The following MYLK4 variants were observed in gnomAD, a reference collection of about 807,000 sequenced individuals.
The protein encoded by MYLK4 is myosin light chain kinase family member 4.
Under a neutral mutation model 48.1 loss-of-function variants are expected in MYLK4, and 46 were observed. That is an observed-to-expected ratio of 0.96 (90% confidence interval 0.75 to 1.22). The LOEUF is 1.22. Ranked by LOEUF, MYLK4 falls within the 50% of genes most tolerant of loss-of-function variation. The pLI is 0.00. For missense variants in MYLK4, 451 were observed against 486.1 expected, an observed-to-expected ratio of 0.93 and a Z score of 0.68; for synonymous variants, 170 against 180.8, an observed-to-expected ratio of 0.94 and a Z score of 0.48.
chr6:2,676,223 C>A (rs564138842), intron 10 of MYLK4, among the ~76,000 whole-genome samples: 2 of 152,118 alleles, frequency 1.3e-5, no homozygotes, highest in African/African-American at 4.8e-5. Context: ...TCAATGCAAT[C>A]GCTTCATCAG....
intron 6 of MYLK4, among the ~76,000 whole-genome samples, chr6:2,683,444 G>C (rs1323806996): frequency 3.9e-5 from 5 of 126,734 alleles, no homozygotes; most frequent in Admixed American, 3.4e-4. Context: ...TTTTGAGATG[G>C]AGTCTCGCTG....
intron 2 of MYLK4, among the ~76,000 whole-genome samples, chr6:2,723,775 T>A (rs956575146): frequency 6.6e-6 from 1 of 152,264 alleles, no homozygotes; most frequent in African/African-American, 2.4e-5. Flanking sequence ...GCCCCACTAT[T>A]TCTGGGATCT....
chr6:2,766,209 C>G, the MYLK4 span: 2 of 1,453,904 alleles, frequency 1.4e-6, no homozygotes, highest in Admixed American at 5.3e-5. Flanking sequence ...GCTGCCGAAG[C>G]CGCCACCGCC....
chr6:2,755,475 C>T (rs973351470), upstream of MYLK4, among the ~76,000 whole-genome samples: 14 of 152,162 alleles, frequency 9.2e-5, no homozygotes, highest in East Asian at 1.3e-3. Context: ...AATTACATAG[C>T]GCATTTAATC....
rs957057352 is a variant in MYLK4, at chr6:2,685,771, G to T, written c.342-195C>A. On this transcript the variant is annotated intron_variant, in intron 4 of 12. Transcript: ENST00000274643. The surrounding 1 kb of genome is among the most constrained non-coding windows in gnomAD (Gnocchi z 4.5). ...CTTGCATCAGAATCACCTGGGAGCT[G>T]TTAAGAAAGCAGGTCTCGGCCGGGC... Among the ~76,000 whole-genome samples the T allele has an allele frequency of 3.9e-5, 6 of 152,214 alleles. No individual in the cohort carries two copies. In the East Asian group the frequency reaches 7.8e-4, roughly 20 times the overall value.
chr6:2,713,174 C>A (rs1762737753), intron 2 of MYLK4, among the ~76,000 whole-genome samples: 1 of 151,932 alleles, frequency 6.6e-6, no homozygotes, highest in Non-Finnish European at 1.5e-5. Context: ...AGTTCGAGAC[C>A]AGCTTGACCA....
intron 2 of MYLK4, among the ~76,000 whole-genome samples, chr6:2,697,099 G>A (rs1370048217): frequency 1.3e-5 from 2 of 152,212 alleles, no homozygotes; most frequent in African/African-American, 2.4e-5. Context: ...TAAAATGCAT[G>A]TAGTGGTTAT....
At chr6:2,710,987 C>T (rs773273419) in intron 2 of MYLK4, among the ~76,000 whole-genome samples, 35 of 152,166 alleles carry the variant, frequency 2.3e-4, no homozygotes, top group Non-Finnish European at 5.9e-5. Flanking sequence ...ACATTTCTTG[C>T]ACTCACTTGT....
the MYLK4 span, among the ~76,000 whole-genome samples, chr6:2,768,415 G>C: frequency 2.6e-5 from 4 of 152,222 alleles, no homozygotes; most frequent in African/African-American, 9.6e-5. Context: ...ATCTTAAAGA[G>C]TCACCCAAAA....
chr6:2,675,268 T>A (rs569481755), intron 10 of MYLK4, 143 bp from the exon 11 acceptor site: 3 of 668,156 alleles, frequency 4.5e-6, no homozygotes, highest in African/African-American at 3.5e-5. Flanking sequence ...TCTCTTGAAT[T>A]GTGTGCTATC....
At chr6:2,732,248 C>T (rs1763503486) in intron 2 of MYLK4, among the ~76,000 whole-genome samples, 1 of 152,202 alleles carries the variant, frequency 6.6e-6, no homozygotes, top group South Asian at 2.1e-4. Flanking sequence ...TAACCTTGAG[C>T]CAGGCACAGT....
intron 2 of MYLK4, among the ~76,000 whole-genome samples, chr6:2,748,454 A>G (rs1764175081): frequency 6.6e-6 from 1 of 152,224 alleles, no homozygotes; most frequent in Non-Finnish European, 1.5e-5. Context: ...TGACTGGGCC[A>G]AGGCAGGGGA....
intron 2 of MYLK4, among the ~76,000 whole-genome samples, chr6:2,711,068 C>T (rs1217859675): frequency 6.6e-6 from 1 of 152,204 alleles, no homozygotes; most frequent in Non-Finnish European, 1.5e-5. Context: ...TTACGCATAA[C>T]CACACACAGC....
chr6:2,698,563 T>C (rs574919805), intron 2 of MYLK4, among the ~76,000 whole-genome samples: 5 of 152,182 alleles, frequency 3.3e-5, no homozygotes, highest in Non-Finnish European at 7.4e-5. Flanking sequence ...ATGAACAATT[T>C]TTGGCCATTT....
chr6:2,711,836 T>C (rs960062212), intron 2 of MYLK4, among the ~76,000 whole-genome samples: 17 of 152,188 alleles, frequency 1.1e-4, no homozygotes, highest in African/African-American at 4.1e-4. Flanking sequence ...AACTTTAAAG[T>C]AGGCTCTAAG....
chr6:2,717,855 T>C (rs1229739350), intron 2 of MYLK4, among the ~76,000 whole-genome samples: 4 of 152,184 alleles, frequency 2.6e-5, no homozygotes, highest in Admixed American at 2.0e-4. Context: ...GGATGTCGGC[T>C]TCATAGAATC....
chr6:2,709,888 G>C (rs1308914267), intron 2 of MYLK4, among the ~76,000 whole-genome samples: 4 of 152,114 alleles, frequency 2.6e-5, no homozygotes, highest in Non-Finnish European at 5.9e-5. Context: ...CCAAAATACT[G>C]TCTCTGTCCC....
At chr6:2,697,530 C>G (rs1241132945) in intron 2 of MYLK4, among the ~76,000 whole-genome samples, 1 of 152,228 alleles carries the variant, frequency 6.6e-6, no homozygotes, top group Non-Finnish European at 1.5e-5. Flanking sequence ...AGTGCGCTCT[C>G]GCCCTGCGTC....
chr6:2,683,071 C>T lies in MYLK4; in HGVS notation c.637G>A (p.Glu213Lys). Residue 213 changes from glutamate to lysine, a missense_variant, in exon 7 of 13, where the codon GAG becomes AAG. Physicochemically the swap from Glu to Lys is moderately conservative, Grantham distance 56. Transcript: ENST00000274643. ...ATCTGATGCATGTGCCTTATCCCCT[C>T]ACATATCTGCTTCATGAACAGGATG... The part of the protein sequence containing the change: ...DTILFMKQIC[E>K]GIRHMHQMYI... 6.2e-7 allele frequency: 1 copy of T among 1,614,162 alleles called. No homozygotes were observed. Among genetic ancestry groups the T allele is most frequent in the Non-Finnish European group, 8.5e-7 (1 of 1,180,034 alleles).
Sources: gnomAD v4.1 joint callset for allele counts (sites outside exome capture counted in the v4.1 genomes callset) on GRCh38, gnomAD v4.1.1 for gene constraint, Gnocchi (gnomAD v3.1) non-coding constraint, MANE v1.5 for transcripts, NCBI Gene and HGNC (gene_info 2026-07-23, HGNC 2026-07-21) for gene names.